MTRR: variants seen among roughly 807,000 people sequenced by gnomAD.
MTRR encodes the protein 5-methyltetrahydrofolate-homocysteine methyltransferase reductase, also known as methionine synthase reductase.
A neutral mutation model predicts 79.2 loss-of-function variants in MTRR; 63 were observed. The ratio of observed to expected loss-of-function variants is 0.80; its 90% confidence interval spans 0.65 to 0.98. MTRR has a LOEUF of 0.98. Among genes scored for constraint, MTRR ranks in the 50% least tolerant of loss-of-function variants. MTRR has a pLI of 0.00. For missense variants in MTRR, 895 were observed against 839.6 expected (o/e 1.07, Z -0.82); for synonymous variants, 355 against 313.3 (o/e 1.13, Z -1.41).
chr5:7,895,838 G>C lies in MTRR; in HGVS notation c.1662G>C (p.Gly554=). 1 of 1,614,088 alleles carries C rather than the reference G, an allele frequency of 6.2e-7. No individual in the cohort carries two copies. The highest frequency in any genetic ancestry group is 1.6e-4 in the Middle Eastern group (1 of 6,062). The stretch of plus-strand genomic sequence containing the variant: ...GAACCGGCATAGCCCCGTTTATTGG[G>C]TTCCTACAACATAGGTATGTTCTTT... ...GPGTGIAPFI[G]FLQHREKLQE... The change falls in exon 12 of 15, where the codon GGG becomes GGC. Residue 554 remains glycine (G), a synonymous_variant. Coordinates refer to ENST00000440940, the MANE Select transcript of MTRR (RefSeq NM_002454.3).
At position 7,889,210 on chromosome 5, in the gene MTRR, G is replaced by A. The variant is rs759521220; in HGVS notation, c.1262G>A (p.Cys421Tyr). 4 of 1,613,752 alleles carry A rather than the reference G, an allele frequency of 2.5e-6. No individual in the cohort carries two copies. The highest frequency in any genetic ancestry group is 1.1e-5 in the South Asian group (1 of 91,056). Reference protein sequence around the residue: ...ADYSRFVRDACACLLDLLLAF... With the variant: ...ADYSRFVRDAYACLLDLLLAF... ...TATAGCCGCTTTGTACGAGATGCCT[G>A]TGCCTGCTTGTTGGATCTCCTCCTC... Residue 421 changes from cysteine (C) to tyrosine (Y), a missense_variant, in exon 9 of 15, where the codon TGT becomes TAT. By Grantham distance (194) the Cys-to-Tyr change is radical. Coordinates refer to ENST00000440940, the MANE Select transcript of MTRR (RefSeq NM_002454.3).
chr5:7,851,375 G>A (rs955670105), exon 1 of MTRR: 8 of 213,752 alleles, frequency 3.7e-5, no homozygotes, highest in African/African-American at 9.1e-5. Context: ...ACTCCTTCGC[G>A]AGACCATTAG....
At chr5:7,870,640 AT>A (rs1747795348) in intron 1 of MTRR, 129 bp from the exon 2 acceptor site, 1 of 1,013,038 alleles carries the variant, frequency 9.9e-7, no homozygotes, top group African/African-American at 1.6e-5. Flanking sequence ...CTGAAAACAA[AT>A]TTAGAAAAGG....
intron 5 of MTRR, among the ~76,000 whole-genome samples, chr5:7,879,265 A>G (rs953090533): frequency 3.3e-5 from 5 of 152,176 alleles, no homozygotes; most frequent in African/African-American, 1.2e-4. Flanking sequence ...TGGTGGGAGC[A>G]GAGTGCAGTG....
At chr5:7,887,502 A>G (rs965666356) in intron 8 of MTRR, among the ~76,000 whole-genome samples, 1 of 148,358 alleles carries the variant, frequency 6.7e-6, no homozygotes, top group Non-Finnish European at 1.5e-5. Context: ...TTGGGTGAGT[A>G]AAGTACTTTA....
chr5:7,862,963 G>T, intron 2 of MTRR: 1 of 1,613,884 alleles, frequency 6.2e-7, no homozygotes, highest in Non-Finnish European at 8.5e-7. Context: ...GGTAAGAAAT[G>T]ACTTCACTTG....
rs769695416 is a variant in MTRR at position 7,896,929 on chromosome 5, G to A, written c.1742G>A (p.Arg581Lys). 2 of 1,614,012 alleles carry A rather than the reference G, an allele frequency of 1.2e-6. No individual in the cohort carries two copies. The highest frequency in any genetic ancestry group is 1.7e-6 in the Non-Finnish European group (2 of 1,179,986). The change falls in exon 13 of 15, where the codon AGG becomes AAG. Residue 581 changes from arginine to lysine, a missense_variant. By Grantham distance (26) the Arg-to-Lys change is conservative. Coordinates refer to ENST00000440940, the MANE Select transcript of MTRR (RefSeq NM_002454.3). ...GCAATGTGGTTGTTTTTTGGCTGCA[G>A]GCATAAGGATAGGGATTATCTATTC... ...FGAMWLFFGC[R>K]HKDRDYLFRK...
chr5:7,896,417 G>T (rs527684854), intron 12 of MTRR: 2 of 207,476 alleles, frequency 9.6e-6, no homozygotes, highest in African/African-American at 2.4e-5. Context: ...ATTTTATTTC[G>T]TTTTAATTTT....
At chr5:7,873,995 A>G (rs190307797) in intron 3 of MTRR, among the ~76,000 whole-genome samples, 322 of 152,310 alleles carry the variant, frequency 2.1e-3, no homozygotes, top group Non-Finnish European at 3.8e-3. Context: ...AGTTTTTACT[A>G]AATTATATGA....
chr5:7,866,972 A>T, upstream of MTRR: 1 of 1,614,192 alleles, frequency 6.2e-7, no homozygotes, highest in Non-Finnish European at 8.5e-7. Context: ...GACCCTGCAG[A>T]CAACTTCAGG....
chr5:7,853,855 C>A (rs1236351747), intron 1 of MTRR, among the ~76,000 whole-genome samples: 1 of 152,044 alleles, frequency 6.6e-6, no homozygotes, highest in African/African-American at 2.4e-5. Flanking sequence ...GGGCTGACAG[C>A]AAAAGACAGG....
Position 7,880,467 on chromosome 5 carries a change from T to C in MTRR, c.780+2145T>C, listed in dbSNP as rs78174114. 7.9e-3 allele frequency among the ~76,000 whole-genome samples: 1,207 copies of C among 152,306 alleles called. 15 individuals are homozygous for C. The highest frequency in any genetic ancestry group is 0.028 in the African/African-American group (1,144 of 41,564). On this transcript the variant is annotated intron_variant, in intron 5 of 14. Coordinates refer to ENST00000440940, the MANE Select transcript of MTRR (RefSeq NM_002454.3). ...AAACCAGCTTGCACGGAGGTTACAG[T>C]GGACCTGTTTCTTGTTTGAGTTTCC...
chr5:7,900,063 A>G lies in MTRR; in HGVS notation c.*5A>G, dbSNP rs1739233164. On this transcript the variant is annotated 3_prime_UTR_variant, in exon 15 of 15. Transcript: ENST00000440940. The stretch of plus-strand genomic sequence containing the variant: ...CTTCAGGATATTTGGTCATAAAACC[A>G]GAAATTAAAGAAAGAGGATTAAGCT... 1.9e-6 allele frequency: 3 copies of G among 1,613,116 alleles called. No homozygotes were observed. Among genetic ancestry groups the G allele is most frequent in the Non-Finnish European group, 2.5e-6 (3 of 1,179,810 alleles).
chr5:7,857,069 C>G (rs916303118), intron 1 of MTRR, among the ~76,000 whole-genome samples: 10 of 152,078 alleles, frequency 6.6e-5, no homozygotes, highest in African/African-American at 2.2e-4. Flanking sequence ...TTTGCTGCCC[C>G]CTATTGATAG....
At position 7,861,839 on chromosome 5, in the gene MTRR, C is replaced by T. The variant is rs541467319; in HGVS notation, n.392-112C>T. On this transcript the variant is annotated intron_variant and non_coding_transcript_variant, in intron 1 of 3. Coordinates refer to the MTRR transcript ENST00000502509. ...TAATTCAATTGGCTTTATGATCAAT[C>T]AAGTCAGCCTTAAATTAAGAAAGCT... 832 of 1,248,994 alleles carry T rather than the reference C, an allele frequency of 6.7e-4. 3 individuals are homozygous for T. The highest frequency in any genetic ancestry group is 1.4e-3 in the Middle Eastern group (7 of 5,036). The allele number at this position is 1,248,994 out of a possible 1,614,324, so 77.4% of individuals were successfully genotyped here.
chr5:7,860,854 A>G (rs1746486360), intron 1 of MTRR, among the ~76,000 whole-genome samples: 1 of 152,228 alleles, frequency 6.6e-6, no homozygotes, highest in South Asian at 2.1e-4. Context: ...CATCTCACAA[A>G]CTAATAATTA....
chr5:7,891,292 T>C, intron 9 of MTRR, 80 bp from the exon 10 acceptor site: 2 of 454,258 alleles, frequency 4.4e-6, no homozygotes, highest in Non-Finnish European at 6.8e-6. Context: ...ACATGGAATT[T>C]TTTTTTTTTT....
chr5:7,892,930 T>G lies in MTRR; in HGVS notation c.1557+17T>G. The G allele has an allele frequency of 6.2e-7, 1 of 1,608,904 alleles. No homozygotes were observed. Among genetic ancestry groups the G allele is most frequent in the African/African-American group, 1.3e-5 (1 of 74,924 alleles). ...GCTCCTAAGGTAAGAAATTAGTACCTTAACCTCAGCATTGTTAACTCATAC... is the reference window on the plus strand; with the variant it reads ...GCTCCTAAGGTAAGAAATTAGTACCGTAACCTCAGCATTGTTAACTCATAC... On this transcript the variant is annotated intron_variant, in intron 11 of 14. Coordinates refer to ENST00000440940, the MANE Select transcript of MTRR (RefSeq NM_002454.3).
At chr5:7,862,674 G>A (rs887830327) in intron 2 of MTRR, 1 of 672,886 alleles carries the variant, frequency 1.5e-6, no homozygotes, top group Non-Finnish European at 2.6e-6. Flanking sequence ...TGACTCAACG[G>A]CTCTGCTGCT....
Sources: allele counts gnomAD v4.1 joint callset (sites outside exome capture counted in the v4.1 genomes callset), GRCh38; gene constraint gnomAD v4.1.1; transcripts MANE v1.5; gene names NCBI Gene and HGNC (gene_info 2026-07-23, HGNC 2026-07-21).